The following TACR1 variants were observed in gnomAD, a reference collection of about 807,000 sequenced individuals.
TACR1 encodes the protein tachykinin receptor 1.
A neutral mutation model predicts 35.8 loss-of-function variants in TACR1; 25 were observed. The observed-to-expected ratio is 0.70, with a 90% CI of 0.51 to 0.98. The LOEUF is 0.98. Among genes scored for constraint, TACR1 ranks in the 50% least tolerant of loss-of-function variants. TACR1 has a pLI of 0.00. For synonymous variants in TACR1, 195 were observed against 206.7 expected, an observed-to-expected ratio of 0.94 and a Z score of 0.48; for missense variants, 478 against 522.9, an observed-to-expected ratio of 0.91 and a Z score of 0.84.
At chr2:75,076,661 G>A (rs1672985832) in intron 2 of TACR1, among the ~76,000 whole-genome samples, 1 of 152,114 alleles carries the variant, frequency 6.6e-6, no homozygotes, top group Non-Finnish European at 1.5e-5. Context: ...TGGTAACATG[G>A]AGCCCGAGAC....
At chr2:75,149,706 C>G (rs1433267971) in intron 1 of TACR1, among the ~76,000 whole-genome samples, 1 of 152,164 alleles carries the variant, frequency 6.6e-6, no homozygotes, top group African/African-American at 2.4e-5. Flanking sequence ...TTGACTTCCT[C>G]TTTTCCTGCT....
At chr2:75,154,408 A>ACGCGCGCGCGCGCGCGCGCGCG (rs1271858307) in intron 1 of TACR1, 1 of 98,592 alleles carries the variant, frequency 1.0e-5, no homozygotes, top group East Asian at 2.8e-4. Flanking sequence ...AAGAGCGCGC[A>ACGCGCGCGCGCGCGCGCGCGCG]CGCACACACA....
At chr2:75,156,909 G>A (rs1466049367) in intron 1 of TACR1, among the ~76,000 whole-genome samples, 1 of 152,194 alleles carries the variant, frequency 6.6e-6, no homozygotes, top group Non-Finnish European at 1.5e-5. Flanking sequence ...GGGATACACT[G>A]CATTTCCATT....
chr2:75,154,410 G>GCACGCACACA (rs1553380945), intron 1 of TACR1: 3 of 75,364 alleles, frequency 4.0e-5, no homozygotes, highest in African/African-American at 1.5e-4. Context: ...GAGCGCGCAC[G>GCACGCACACA]CACACACACA....
intron 2 of TACR1, among the ~76,000 whole-genome samples, chr2:75,063,341 C>T (rs986581838): frequency 1.3e-5 from 2 of 152,184 alleles, no homozygotes; most frequent in Non-Finnish European, 2.9e-5. Context: ...TTGGAAAGAA[C>T]TCTTTATGGC....
intron 1 of TACR1, among the ~76,000 whole-genome samples, chr2:75,124,338 C>T (rs1355577774): frequency 1.3e-5 from 2 of 152,204 alleles, no homozygotes; most frequent in African/African-American, 4.8e-5. Context: ...TCATAACTTC[C>T]TGCTATACCA....
rs1178238591 is a variant in TACR1 at position 75,199,484 on chromosome 2, G to C, written c.-550C>G. On this transcript the variant is annotated 5_prime_UTR_variant, in exon 1 of 5. Coordinates refer to ENST00000305249, the MANE Select transcript of TACR1 (RefSeq NM_001058.4). Reference sequence around the variant, plus strand: ...TTTGCTGCCGCTGCCGCCGCCTGCAGTTTCGCGGGCACCTCTCGGTTCGGG... The same window carrying C: ...TTTGCTGCCGCTGCCGCCGCCTGCACTTTCGCGGGCACCTCTCGGTTCGGG... The C allele has an allele frequency of 6.4e-6, 1 of 155,796 alleles. No individual in the cohort carries two copies. Among genetic ancestry groups the C allele is most frequent in the Non-Finnish European group, 1.4e-5 (1 of 70,216 alleles). 9.7% of individuals were successfully genotyped at this position (155,796 alleles called of 1,614,324 possible).
chr2:75,178,187 CTT>C (rs529344741), intron 1 of TACR1, among the ~76,000 whole-genome samples: 7 of 145,598 alleles, frequency 4.8e-5, no homozygotes, highest in Admixed American at 1.4e-4. Context: ...CAATTTCTCT[CTT>C]TTTTTTTTTT....
rs1216381612 is a variant in TACR1 at position 75,049,591 on chromosome 2, C to G, written c.1065G>C (p.Glu355Asp). 1 of 1,614,138 alleles carries G rather than the reference C, an allele frequency of 6.2e-7. No individual in the cohort carries two copies. Among genetic ancestry groups the G allele is most frequent in the East Asian group, 2.2e-5 (1 of 44,870 alleles). The stretch of plus-strand genomic sequence containing the variant: ...CCCCCACCACTGTGGAGATGGTGGT[C>G]TCCAGGCGGCTGACTTTGTACACAC... ...QGSVYKVSRL[E>D]TTISTVVGAH... The change falls in exon 5 of 5, where the codon GAG (glutamate) becomes GAC (aspartate). Residue 355 changes from glutamate (E) to aspartate (D), a missense_variant. Physicochemically the swap from Glu to Asp is conservative, Grantham distance 45. Coordinates refer to ENST00000305249, the MANE Select transcript of TACR1 (RefSeq NM_001058.4).
In TACR1 at chr2:75,120,779, G is replaced by C. The variant is rs1236990839; in HGVS notation, c.390-11C>G. On this transcript the variant is annotated splice_polypyrimidine_tract_variant and intron_variant, in intron 1 of 4. Transcript: ENST00000305249. ...ATGATGGCCATGTACCTGGAACAGA[G>C]AAGAAAGAACAAAGTTCTGATCTGG... 6.3e-7 allele frequency: 1 copy of C among 1,586,816 alleles called. No individual in the cohort carries two copies. Among genetic ancestry groups the C allele is most frequent in the Non-Finnish European group, 8.6e-7 (1 of 1,166,184 alleles).
intron 2 of TACR1, among the ~76,000 whole-genome samples, chr2:75,057,264 C>T (rs1672587274): frequency 6.6e-6 from 1 of 152,312 alleles, no homozygotes; most frequent in South Asian, 2.1e-4. Flanking sequence ...TCAAAAGCTC[C>T]CCTACTGAGC....
rs1157559025 is a variant in TACR1, at chr2:75,120,734, G to C, written c.424C>G (p.Leu142Val). Reference protein sequence around the residue: ...MAIIHPLQPRLSATATKVVIC... With the variant: ...MAIIHPLQPRVSATATKVVIC... ...ACCACTTTGGTGGCTGTGGCTGACA[G>C]CCGGGGCTGGAGGGGATGTATGATG... The change falls in exon 2 of 5, where the codon CTG becomes GTG. Residue 142 changes from leucine to valine, a missense_variant. Coordinates refer to ENST00000305249, the MANE Select transcript of TACR1 (RefSeq NM_001058.4). 1 of 1,613,630 alleles carries C rather than the reference G, an allele frequency of 6.2e-7. No individual in the cohort carries two copies. Among genetic ancestry groups the C allele is most frequent in the South Asian group, 1.1e-5 (1 of 91,024 alleles).
rs202099435 is a variant in TACR1 at position 75,120,600 on chromosome 2, C to T, written c.558G>A (p.Glu186=). 1.1e-5 allele frequency: 17 copies of T among 1,608,702 alleles called. No homozygotes were observed. The African/African-American group carries it at 2.1e-4, about 20-fold the overall frequency. The part of the protein sequence containing the change: ...SRVVCMIEWP[E]HPNKIYEKVY... ...CTTTCTCATAAATCTTGTTCGGATG[C>T]TCTGGCCATTCGATCATGCACACGA... is the stretch of plus-strand genomic sequence containing the variant. Residue 186 remains glutamate (E), a synonymous_variant, in exon 2 of 5, where the codon GAG becomes GAA. Coordinates refer to ENST00000305249, the MANE Select transcript of TACR1 (RefSeq NM_001058.4).
intron 2 of TACR1, among the ~76,000 whole-genome samples, chr2:75,087,666 C>T (rs1280434064): frequency 6.6e-6 from 1 of 152,168 alleles, no homozygotes; most frequent in African/African-American, 2.4e-5. Context: ...CAGTGACTCC[C>T]CTCACCTCTT....
At chr2:75,091,483 A>G (rs1673311467) in intron 2 of TACR1, among the ~76,000 whole-genome samples, 1 of 152,156 alleles carries the variant, frequency 6.6e-6, no homozygotes, top group African/African-American at 2.4e-5. Context: ...AATCTTTTCC[A>G]TAATCCTATA....
chr2:75,068,164 G>C (rs1672804332), intron 2 of TACR1, among the ~76,000 whole-genome samples: 1 of 152,142 alleles, frequency 6.6e-6, no homozygotes, highest in South Asian at 2.1e-4. Context: ...TTACACAACT[G>C]TGGGGGTTGG....
At chr2:75,127,591 G>A (rs1338537981) in intron 1 of TACR1, among the ~76,000 whole-genome samples, 3 of 152,162 alleles carry the variant, frequency 2.0e-5, no homozygotes, top group Admixed American at 6.5e-5. Flanking sequence ...GAAGGCCTGC[G>A]ACAGTTTAGG....
At chr2:75,081,899 T>C (rs1308662725) in intron 2 of TACR1, among the ~76,000 whole-genome samples, 2 of 133,116 alleles carry the variant, frequency 1.5e-5, no homozygotes, top group Non-Finnish European at 3.1e-5. Context: ...CCAACATTTC[T>C]TTTTTTTTTT....
rs141182643 is a variant in TACR1 at position 75,102,358 on chromosome 2, TAA to T, written c.584+18214_584+18215del. Among the ~76,000 whole-genome samples, 266 of 152,310 alleles carry T rather than the reference TAA, an allele frequency of 1.7e-3. 1 individual carries two copies. The highest frequency in any genetic ancestry group is 6.2e-3 in the African/African-American group (257 of 41,574). ...ATGGACAGTTGTTACTTTAAACCAC[TAA>T]GTTTCGGAATGATTTGTTACGCAGC... On this transcript the variant is annotated intron_variant, in intron 2 of 4. Transcript: ENST00000305249.
Sources: gnomAD v4.1 joint callset for allele counts (sites outside exome capture counted in the v4.1 genomes callset) on GRCh38, gnomAD v4.1.1 for gene constraint, MANE v1.5 for transcripts, NCBI Gene and HGNC (gene_info 2026-07-23, HGNC 2026-07-21) for gene names.